RNF144A: variants seen among roughly 807,000 people sequenced by gnomAD.
RNF144A encodes ring finger protein 144A, also known as E3 ubiquitin-protein ligase RNF144A.
RNF144A carries 11 observed loss-of-function variants against 38.7 expected under a neutral mutation model. The observed-to-expected ratio is 0.28, with a 90% CI of 0.18 to 0.47. The LOEUF is 0.47. Ranked by LOEUF, RNF144A falls within the 20% of genes least tolerant of loss-of-function variation. RNF144A has a pLI of 0.99. For synonymous variants in RNF144A, 149 were observed against 143.9 expected (o/e 1.04, Z -0.25); for missense variants, 316 against 377.2 (o/e 0.84, Z 1.34).
At chr2:7,007,439 C>T (rs1053666482) in intron 3 of RNF144A, among the ~76,000 whole-genome samples, 3 of 152,198 alleles carry the variant, frequency 2.0e-5, no homozygotes, top group Non-Finnish European at 4.4e-5. Flanking sequence ...GCCTCTCAAG[C>T]GCGTCTGTGC....
intron 1 of RNF144A, chr2:6,918,834 C>T (rs1172193389): frequency 6.8e-6 from 1 of 146,604 alleles, no homozygotes; most frequent in Non-Finnish European, 1.5e-5. Flanking sequence ...AGGATCAAGG[C>T]TGGGGTAACA....
rs745428917 is a variant in RNF144A at position 7,041,595 on chromosome 2, T to C, written c.*1835T>C. ...TTAGAATAGCTTTTCTGGAGGTGGG[T>C]GGCAACTCCACGCGGGAGTCATTGG... On this transcript the variant is annotated 3_prime_UTR_variant, in exon 9 of 9. Transcript: ENST00000320892. 1.3e-5 allele frequency: 13 copies of C among 985,806 alleles called. No homozygotes were observed. Among genetic ancestry groups the C allele is most frequent in the Non-Finnish European group, 1.3e-5 (11 of 829,976 alleles). The allele number at this position is 985,806 out of a possible 1,614,324, so 61.1% of individuals were successfully genotyped here.
At chr2:6,934,964 GA>G (rs1366455498) in intron 1 of RNF144A, among the ~76,000 whole-genome samples, 4 of 152,114 alleles carry the variant, frequency 2.6e-5, no homozygotes, top group East Asian at 3.9e-4. Context: ...TCAAAAAAAA[GA>G]AAAAAACCAC....
chr2:6,934,972 C>A (rs1665473380), intron 1 of RNF144A, among the ~76,000 whole-genome samples: 1 of 152,182 alleles, frequency 6.6e-6, no homozygotes, highest in African/African-American at 2.4e-5. Context: ...AAGAAAAAAA[C>A]CACATGGTCA....
At chr2:6,956,077 C>T (rs772361997) in intron 2 of RNF144A, among the ~76,000 whole-genome samples, 1 of 152,104 alleles carries the variant, frequency 6.6e-6, no homozygotes, top group African/African-American at 2.4e-5. Context: ...CCCTCTGGGA[C>T]CTTTAAAAAT....
At chr2:6,995,415 T>C (rs1254514488) in intron 2 of RNF144A, among the ~76,000 whole-genome samples, 1 of 152,146 alleles carries the variant, frequency 6.6e-6, no homozygotes. Context: ...TAGATGTTTA[T>C]ATAAAGGGGA....
intron 3 of RNF144A, among the ~76,000 whole-genome samples, chr2:7,006,186 G>A (rs184948551): frequency 9.3e-4 from 142 of 152,074 alleles, no homozygotes; most frequent in African/African-American, 3.2e-3. Flanking sequence ...TGGAGTTGTC[G>A]GAGTTCCTGC....
chr2:6,920,477 A>T (rs1327927096), intron 1 of RNF144A, among the ~76,000 whole-genome samples: 1 of 152,174 alleles, frequency 6.6e-6, no homozygotes, highest in Non-Finnish European at 1.5e-5. Flanking sequence ...AAGAGGATGA[A>T]GCCGTGCTCG....
At chr2:6,918,368 T>G (rs1253144844) in intron 1 of RNF144A, 1 of 152,584 alleles carries the variant, frequency 6.6e-6, no homozygotes, top group East Asian at 1.9e-4. Flanking sequence ...CCTGGAGGCT[T>G]CCTGGTCCTG....
rs555796185 is a variant in RNF144A at position 7,020,696 on chromosome 2, A to T, written c.509+16A>T. 2 of 1,595,588 alleles carry T rather than the reference A, an allele frequency of 1.3e-6. No homozygotes were observed. Among genetic ancestry groups the T allele is most frequent in the South Asian group, 2.2e-5 (2 of 90,996 alleles). On this transcript the variant is annotated intron_variant, in intron 6 of 8. Coordinates refer to ENST00000320892, the MANE Select transcript of RNF144A (RefSeq NM_014746.6). ...GGGAGACCAGGTACCCTTTGTACAC[A>T]AGCTGCCACCAAAGGCATGGCTGTG...
At chr2:6,940,490 T>G (rs1002917811) in intron 1 of RNF144A, among the ~76,000 whole-genome samples, 2 of 152,234 alleles carry the variant, frequency 1.3e-5, no homozygotes, top group Non-Finnish European at 2.9e-5. Context: ...GTTATTTGTG[T>G]TCTTCTGTTC....
intron 2 of RNF144A, among the ~76,000 whole-genome samples, chr2:6,965,297 C>A (rs1037009615): frequency 6.6e-6 from 1 of 152,066 alleles, no homozygotes; most frequent in African/African-American, 2.4e-5. Flanking sequence ...GAGGGTGTGT[C>A]GGAGGCTGTC....
chr2:6,923,460 T>C (rs1349530178), intron 1 of RNF144A, among the ~76,000 whole-genome samples: 1 of 152,246 alleles, frequency 6.6e-6, no homozygotes, highest in African/African-American at 2.4e-5. Context: ...CTGCCTTGGC[T>C]CCAGCCTGTC....
chr2:7,065,124 GTTGAC>G (rs1302350078), intron 6 of RNF144A, among the ~76,000 whole-genome samples: 1 of 152,230 alleles, frequency 6.6e-6, no homozygotes, highest in Non-Finnish European at 1.5e-5. Context: ...TTTTCCACGT[GTTGAC>G]TTATGTAATT....
In RNF144A at chr2:6,944,080, AG is replaced by A. The variant is rs1666185875; in HGVS notation, c.-12+2936del. 6.6e-6 allele frequency among the ~76,000 whole-genome samples: 1 copy of A among 152,140 alleles called. No individual in the cohort carries two copies. Among genetic ancestry groups the A allele is most frequent in the African/African-American group, 2.4e-5 (1 of 41,436 alleles). On this transcript the variant is annotated intron_variant, in intron 2 of 8. Transcript: ENST00000320892. This position sits in a 1 kb window ranked among gnomAD's most constrained non-coding sequence, Gnocchi z 4.7. Reference sequence around the variant, plus strand: ...ATGGCTGGAATTGGTATTGTGTGCCAGGGAGAGAGGATCCTAATCTCAGAGG... The same window carrying A: ...ATGGCTGGAATTGGTATTGTGTGCCAGGAGAGAGGATCCTAATCTCAGAGG...
At chr2:6,923,351 C>T (rs1664661537) in intron 1 of RNF144A, among the ~76,000 whole-genome samples, 1 of 152,154 alleles carries the variant, frequency 6.6e-6, no homozygotes, top group African/African-American at 2.4e-5. Context: ...TGTGTTAAGC[C>T]TGTCGGTGTC....
At chr2:6,931,677 C>G (rs1250275003) in intron 1 of RNF144A, among the ~76,000 whole-genome samples, 2 of 152,198 alleles carry the variant, frequency 1.3e-5, no homozygotes, top group Non-Finnish European at 2.9e-5. Context: ...GGTGAAAATG[C>G]CAGTGGCTCT....
At chr2:7,044,741 A>G (rs887285554), downstream of RNF144A, among the ~76,000 whole-genome samples, 1 of 152,222 alleles carries the variant, frequency 6.6e-6, no homozygotes, top group Non-Finnish European at 1.5e-5. Flanking sequence ...AGGAGAATCT[A>G]TACCTCATGC....
intron 2 of RNF144A, among the ~76,000 whole-genome samples, chr2:6,965,390 G>T (rs964657851): frequency 2.0e-5 from 3 of 152,210 alleles, no homozygotes; most frequent in African/African-American, 7.2e-5. Flanking sequence ...AGGTGAGTGG[G>T]CCTACAGCAC....
Sources: allele counts gnomAD v4.1 joint callset (sites outside exome capture counted in the v4.1 genomes callset), GRCh38; gene constraint gnomAD v4.1.1; non-coding constraint Gnocchi (gnomAD v3.1); transcripts MANE v1.5; gene names NCBI Gene and HGNC (gene_info 2026-07-23, HGNC 2026-07-21).